Variants in CALN1 observed in about 807,000 individuals in gnomAD.
CALN1 encodes calneuron 1, also known as calcium-binding protein 8.
Under a neutral mutation model 30.6 loss-of-function variants are expected in CALN1, and 17 were observed. The observed-to-expected ratio is 0.56, with a 90% CI of 0.38 to 0.83. The LOEUF (loss-of-function observed/expected upper bound fraction) is 0.83. CALN1 is among the 40% of genes least tolerant of loss of function. CALN1 has a pLI of 0.00. For missense variants in CALN1, 291 were observed against 354.9 expected, an observed-to-expected ratio of 0.82 and a Z score of 1.45; for synonymous variants, 156 against 131.4, an observed-to-expected ratio of 1.19 and a Z score of -1.28.
intron 4 of CALN1, among the ~76,000 whole-genome samples, chr7:72,095,446 C>A (rs1392093564): frequency 6.6e-6 from 1 of 152,154 alleles, no homozygotes; most frequent in African/African-American, 2.4e-5. Flanking sequence ...GAGTGAAATA[C>A]AAAAGAGTTT....
At chr7:72,110,278 A>G (rs1352180769) in intron 3 of CALN1, among the ~76,000 whole-genome samples, 1 of 152,092 alleles carries the variant, frequency 6.6e-6, no homozygotes, top group African/African-American at 2.4e-5. Context: ...GGAAATGAGG[A>G]CCCGGACAGC....
chr7:72,238,996 TG>T (rs1162677240), intron 3 of CALN1, among the ~76,000 whole-genome samples: 2 of 152,180 alleles, frequency 1.3e-5, no homozygotes, highest in Non-Finnish European at 2.9e-5. Flanking sequence ...CTCAGACTCT[TG>T]CCCCACCTTA....
In CALN1 at chr7:72,247,341, C is replaced by T. The variant is rs559419151; in HGVS notation, c.244+31345G>A. 1.5e-3 allele frequency among the ~76,000 whole-genome samples: 219 copies of T among 147,020 alleles called. 1 individual carries two copies. The highest frequency in any genetic ancestry group is 4.7e-3 in the African/African-American group (188 of 39,586). On this transcript the variant is annotated intron_variant, in intron 3 of 6. Transcript: ENST00000395275. ...TTGGCTCACTGCAAGTTCCGCCTCCCGGTTCACGCCATTCTCCTGCCTCAC... is the reference window on the plus strand; with the variant it reads ...TTGGCTCACTGCAAGTTCCGCCTCCTGGTTCACGCCATTCTCCTGCCTCAC...
intron 5 of CALN1, among the ~76,000 whole-genome samples, chr7:71,969,658 AC>A (rs1797699535): frequency 3.3e-5 from 5 of 152,220 alleles, no homozygotes; most frequent in Admixed American, 3.3e-4. Flanking sequence ...ACAGGATGGT[AC>A]TTAGGGAACA....
chr7:71,815,466 G>A (rs376498625), intron 5 of CALN1, among the ~76,000 whole-genome samples: 17 of 152,160 alleles, frequency 1.1e-4, no homozygotes, highest in African/African-American at 4.1e-4. Flanking sequence ...ACAAAAGAGG[G>A]GCTGCTGCTT....
At chr7:72,332,384 T>G (rs1801736973) in intron 2 of CALN1, among the ~76,000 whole-genome samples, 1 of 152,042 alleles carries the variant, frequency 6.6e-6, no homozygotes, top group South Asian at 2.1e-4. Context: ...TGATAACGTC[T>G]CGGTGTTGCC....
chr7:72,295,733 C>A (rs376436961), intron 2 of CALN1, among the ~76,000 whole-genome samples: 20 of 151,382 alleles, frequency 1.3e-4, no homozygotes, highest in African/African-American at 2.4e-4. Flanking sequence ...GACTTTGCTG[C>A]AGTTGCTTAT....
chr7:71,955,224 C>T (rs979338795), intron 5 of CALN1, among the ~76,000 whole-genome samples: 1 of 152,048 alleles, frequency 6.6e-6, no homozygotes, highest in African/African-American at 2.4e-5. Flanking sequence ...TCTCGTGAGA[C>T]GTATTCACTA....
chr7:72,397,791 C>T (rs1806079267), intron 2 of CALN1, among the ~76,000 whole-genome samples: 1 of 149,830 alleles, frequency 6.7e-6, no homozygotes, highest in Non-Finnish European at 1.5e-5. Flanking sequence ...TATTAGCCTA[C>T]CCTTAGGACT....
chr7:72,120,842 G>A (rs904487755), intron 3 of CALN1, among the ~76,000 whole-genome samples: 1 of 152,192 alleles, frequency 6.6e-6, no homozygotes, highest in East Asian at 1.9e-4. Flanking sequence ...GGGATGGTGA[G>A]TGAACCCCAC....
At chr7:71,827,599 C>T (rs1448470863) in intron 5 of CALN1, among the ~76,000 whole-genome samples, 1 of 151,764 alleles carries the variant, frequency 6.6e-6, no homozygotes, top group Non-Finnish European at 1.5e-5. Context: ...AGTGAAACCC[C>T]ATCTCTACTA....
chr7:72,261,978 G>A (rs569329118), intron 3 of CALN1, among the ~76,000 whole-genome samples: 4 of 152,174 alleles, frequency 2.6e-5, no homozygotes, highest in Non-Finnish European at 4.4e-5. Context: ...CCAGCAACAC[G>A]GATGGTTGGG....
In CALN1 at chr7:72,369,328, A is replaced by ATT. The variant is rs1207195246; in HGVS notation, c.119+33922_119+33923insAA. The stretch of plus-strand genomic sequence containing the variant: ...ATATTTATAAATATTTATAATATAT[A>ATT]TAATTTATAAATATTATAAATATTT... On this transcript the variant is annotated intron_variant, in intron 2 of 6. Transcript: ENST00000395275. Among the ~76,000 whole-genome samples the ATT allele has an allele frequency of 6.1e-3, 898 of 146,286 alleles. 10 individuals are homozygous for ATT. The highest frequency in any genetic ancestry group is 0.021 in the African/African-American group (862 of 40,258).
upstream of CALN1, among the ~76,000 whole-genome samples, chr7:72,415,439 GTT>G (rs1807391890): frequency 2.0e-5 from 3 of 152,232 alleles, no homozygotes; most frequent in Non-Finnish European, 4.4e-5. Flanking sequence ...CCCATCCATT[GTT>G]GCTATGAGTG....
chr7:72,112,745 G>T (rs542259858), intron 3 of CALN1, among the ~76,000 whole-genome samples: 1 of 152,186 alleles, frequency 6.6e-6, no homozygotes, highest in Non-Finnish European at 1.5e-5. Flanking sequence ...TGCCAGGATA[G>T]ATAAGTAGCA....
intron 5 of CALN1, among the ~76,000 whole-genome samples, chr7:71,847,847 G>GAGAAGGAGAAGGAGAAGAAGAAGAAGA (rs746393698): frequency 8.9e-5 from 12 of 134,890 alleles, no homozygotes; most frequent in East Asian, 6.9e-4. Context: ...GAAGGAGAAG[G>GAGAAGGAGAAGGAGAAGAAGAAGAAGA]AGAAGAAGAA....
chr7:72,086,975 C>T (rs1018513544), intron 4 of CALN1, among the ~76,000 whole-genome samples: 12 of 151,786 alleles, frequency 7.9e-5, no homozygotes, highest in Non-Finnish European at 7.4e-5. Context: ...TCTCAATAGA[C>T]GTCAAAAAGT....
chr7:72,232,157 G>C (rs1794150618), intron 3 of CALN1, among the ~76,000 whole-genome samples: 1 of 152,168 alleles, frequency 6.6e-6, no homozygotes, highest in African/African-American at 2.4e-5. Flanking sequence ...TGCCTCAGCA[G>C]GGGGAGCAGA....
intron 4 of CALN1, among the ~76,000 whole-genome samples, chr7:72,064,941 C>T (rs1454914193): frequency 6.6e-6 from 1 of 151,664 alleles, no homozygotes; most frequent in African/African-American, 2.4e-5. Flanking sequence ...GCTCTAGGAC[C>T]ACTTCTGTGC....
Sources: gnomAD v4.1 joint callset for allele counts (sites outside exome capture counted in the v4.1 genomes callset) on GRCh38, gnomAD v4.1.1 for gene constraint, MANE v1.5 for transcripts, NCBI Gene and HGNC (gene_info 2026-07-23, HGNC 2026-07-21) for gene names.